Variants in DSCAM observed in about 807,000 individuals in gnomAD.
DSCAM encodes the protein DS cell adhesion molecule, also known as cell adhesion molecule DSCAM.
In DSCAM, 47 loss-of-function variants were observed where a neutral mutation model predicts 217.7. The observed-to-expected ratio is 0.22, with a 90% CI of 0.17 to 0.28. The LOEUF is 0.28. DSCAM is among the 10% of genes least tolerant of loss of function. DSCAM has a pLI of 1.00. For synonymous variants in DSCAM, 1,056 were observed against 1,015.3 expected (o/e 1.04, Z -0.76); for missense variants, 2,080 against 2,618.3 (o/e 0.79, Z 4.49).
intron 15 of DSCAM, among the ~76,000 whole-genome samples, chr21:40,170,687 T>C (rs2146781732): frequency 6.6e-6 from 1 of 152,334 alleles, no homozygotes; most frequent in South Asian, 2.1e-4. Flanking sequence ...CAGATAATTC[T>C]GTGCTCATTG....
chr21:40,533,552 T>G (rs1201825840), intron 3 of DSCAM, among the ~76,000 whole-genome samples: 2 of 121,692 alleles, frequency 1.6e-5, no homozygotes, highest in Non-Finnish European at 3.7e-5. Context: ...CATTCATCCA[T>G]CCATTCATCC....
chr21:40,337,400 A>G (rs1727945473), intron 8 of DSCAM, among the ~76,000 whole-genome samples: 1 of 152,238 alleles, frequency 6.6e-6, no homozygotes, highest in Admixed American at 6.5e-5. Flanking sequence ...TATTCAGCTC[A>G]GGAAACTGAC....
At chr21:40,166,562 T>C (rs1601402287) in intron 16 of DSCAM, among the ~76,000 whole-genome samples, 1 of 152,174 alleles carries the variant, frequency 6.6e-6, no homozygotes, top group East Asian at 1.9e-4. Flanking sequence ...TTGAGAAAAT[T>C]TGCTATGGAA....
intron 1 of DSCAM, among the ~76,000 whole-genome samples, chr21:40,712,809 CAG>C (rs142528775): frequency 0.012 from 1,714 of 147,498 alleles, 4 homozygotes; most frequent in Middle Eastern, 0.018. Context: ...GAAGTTGAGA[CAG>C]AGAGAGAGAG....
chr21:40,723,822 G>C (rs718043), intron 1 of DSCAM, among the ~76,000 whole-genome samples: 7,156 of 152,196 alleles, frequency 0.047, 232 homozygotes, highest in African/African-American at 0.089. Context: ...AACACACTTC[G>C]AAGATTTTAG....
At chr21:40,588,895 A>G (rs1386159696) in intron 3 of DSCAM, among the ~76,000 whole-genome samples, 1 of 152,224 alleles carries the variant, frequency 6.6e-6, no homozygotes, top group Non-Finnish European at 1.5e-5. Flanking sequence ...ATTTATGTGA[A>G]GCAAAATGAA....
intron 11 of DSCAM, among the ~76,000 whole-genome samples, chr21:40,202,430 G>C (rs531846193): frequency 1.2e-3 from 186 of 152,318 alleles, no homozygotes; most frequent in Non-Finnish European, 2.2e-3. Flanking sequence ...ATCACCCACT[G>C]CACAGCACAC....
At chr21:40,215,394 A>G (rs2091233512) in intron 11 of DSCAM, among the ~76,000 whole-genome samples, 1 of 152,078 alleles carries the variant, frequency 6.6e-6, no homozygotes, top group South Asian at 2.1e-4. Flanking sequence ...TTGGAAAGGA[A>G]AAAAATCATA....
intron 3 of DSCAM, among the ~76,000 whole-genome samples, chr21:40,381,018 G>T (rs139849482): frequency 2.1e-5 from 3 of 144,288 alleles, no homozygotes; most frequent in Non-Finnish European, 4.5e-5. Flanking sequence ...AGCCGAGATC[G>T]TGCCACTGCA....
intron 9 of DSCAM, among the ~76,000 whole-genome samples, chr21:40,304,128 A>G (rs2074045985): frequency 6.6e-6 from 1 of 152,240 alleles, no homozygotes; most frequent in Non-Finnish European, 1.5e-5. Context: ...GCTCATACAT[A>G]ACAGCTAAGA....
chr21:40,189,126 C>CAG lies in DSCAM; in HGVS notation c.2468_2469insCT (p.Lys823AsnfsTer25). 1 of 1,614,152 alleles carries CAG rather than the reference C, an allele frequency of 6.2e-7. No individual in the cohort carries two copies. Among genetic ancestry groups the CAG allele is most frequent in the Non-Finnish European group, 8.5e-7 (1 of 1,180,030 alleles). On this transcript the variant is annotated frameshift_variant, in exon 12 of 33. Coordinates refer to ENST00000400454, the MANE Select transcript of DSCAM (RefSeq NM_001389.5). LOFTEE classifies it high-confidence loss of function. ...TCTCAGGGTTAATGATTCGGTCCTC[C>CAG]TTCTCCCAGCGGACTATAATGGGCT... is the stretch of plus-strand genomic sequence containing the variant.
chr21:40,838,342 C>T (rs556595964), intron 1 of DSCAM, among the ~76,000 whole-genome samples: 3 of 152,308 alleles, frequency 2.0e-5, no homozygotes, highest in African/African-American at 7.2e-5. Context: ...CTTCAGTATA[C>T]GGCATGGGCT....
intron 10 of DSCAM, among the ~76,000 whole-genome samples, chr21:40,278,753 A>AGAG (rs1040599847): frequency 1.3e-5 from 2 of 152,012 alleles, no homozygotes; most frequent in African/African-American, 2.4e-5. Flanking sequence ...AGGAGGAGGA[A>AGAG]GAGGAGGAGG....
At chr21:40,219,284 A>AT (rs200462646) in intron 11 of DSCAM, among the ~76,000 whole-genome samples, 11,575 of 152,026 alleles carry the variant, frequency 0.076, 759 homozygotes, top group African/African-American at 0.17. Flanking sequence ...ACATTTATTG[A>AT]TTGTGTATGT....
intron 20 of DSCAM, among the ~76,000 whole-genome samples, chr21:40,116,777 C>T (rs551155597): frequency 4.7e-5 from 7 of 150,264 alleles, no homozygotes; most frequent in Non-Finnish European, 1.0e-4. Flanking sequence ...CCGAGGCGGG[C>T]GGATCATGAG....
intron 28 of DSCAM, 143 bp downstream of exon 28, chr21:40,062,726 T>A: frequency 1.5e-6 from 1 of 672,192 alleles, no homozygotes; most frequent in Non-Finnish European, 2.3e-6. Context: ...TATTTTGGAA[T>A]GTATAGGAAA....
At chr21:40,135,350 C>G (rs1057359411) in intron 18 of DSCAM, among the ~76,000 whole-genome samples, 1 of 152,344 alleles carries the variant, frequency 6.6e-6, no homozygotes. Context: ...TGCCTAGGTG[C>G]CAGCGCTATG....
chr21:40,045,232 G>A (rs1437147932), intron 30 of DSCAM, among the ~76,000 whole-genome samples: 6 of 152,212 alleles, frequency 3.9e-5, no homozygotes, highest in Admixed American at 3.9e-4. Flanking sequence ...ACTACTCATT[G>A]TTTTAATGAT....
intron 1 of DSCAM, among the ~76,000 whole-genome samples, chr21:40,720,551 G>A (rs2090890508): frequency 6.6e-6 from 1 of 152,024 alleles, no homozygotes; most frequent in African/African-American, 2.4e-5. Context: ...GTGAAATGAT[G>A]TTGCAACTGT....
Sources: gnomAD v4.1 joint callset for allele counts (sites outside exome capture counted in the v4.1 genomes callset) on GRCh38, gnomAD v4.1.1 for gene constraint, MANE v1.5 for transcripts, NCBI Gene and HGNC (gene_info 2026-07-23, HGNC 2026-07-21) for gene names.